Variants in NLGN4X observed in about 807,000 individuals in gnomAD.
The protein encoded by NLGN4X is neuroligin-4, X-linked.
In NLGN4X, 3 loss-of-function variants were observed where a neutral mutation model predicts 40.3. The observed-to-expected ratio is 0.07, with a 90% confidence interval of 0.03 to 0.19. The LOEUF is 0.19. Ranked by LOEUF, NLGN4X falls within the 10% of genes least tolerant of loss-of-function variation. The probability of loss-of-function intolerance (pLI) is 1.00; values close to 1 mark genes in which losing one functional copy is unlikely to be tolerated. For synonymous variants in NLGN4X, 270 were observed against 306.8 expected (o/e 0.88, Z 1.25); for missense variants, 382 against 708.3 (o/e 0.54, Z 5.23).
chrX:6,196,242 A>C (rs1009341762), intron 1 of NLGN4X, among the ~76,000 whole-genome samples: 1 of 111,248 alleles, frequency 9.0e-6, no homozygotes, highest in Non-Finnish European at 1.9e-5. Flanking sequence ...ATATTGCTAA[A>C]ATCTGATGGA....
intron 3 of NLGN4X, among the ~76,000 whole-genome samples, chrX:5,982,543 C>G (rs780574395): frequency 8.9e-6 from 1 of 112,114 alleles, no homozygotes; most frequent in Non-Finnish European, 1.9e-5. Flanking sequence ...GTAGATTATT[C>G]AAACCAACCT....
chrX:6,184,873 G>T (rs1384429736), intron 1 of NLGN4X, among the ~76,000 whole-genome samples: 1 of 112,352 alleles, frequency 8.9e-6, no homozygotes. Context: ...GGCAAAGAAT[G>T]GCGCCTTCTG....
chrX:5,974,547 A>G (rs1357135151), intron 3 of NLGN4X, among the ~76,000 whole-genome samples: 4 of 112,115 alleles, frequency 3.6e-5, no homozygotes, highest in African/African-American at 9.7e-5. Flanking sequence ...AATAGAATGG[A>G]TCAAGCATTT....
In NLGN4X at chrX:5,890,054, G is replaced by A; in HGVS notation, c.*2763C>T. The stretch of plus-strand genomic sequence containing the variant: ...TTTGCACAAAGCATTAGAAAATACT[G>A]TGATATTTTATTATTAAAAATGCTG... On this transcript the variant is annotated 3_prime_UTR_variant, in exon 6 of 6. Coordinates refer to ENST00000381095, the MANE Select transcript of NLGN4X (RefSeq NM_181332.3). The A allele has an allele frequency of 4.7e-6, 1 of 214,809 alleles. No individual in the cohort carries two copies. Among genetic ancestry groups the A allele is most frequent in the Non-Finnish European group, 8.5e-6 (1 of 117,385 alleles). The allele number at this position is 214,809 out of a possible 1,213,427, so 17.7% of individuals were successfully genotyped here.
chrX:5,943,432 G>A (rs1333969935), intron 3 of NLGN4X, among the ~76,000 whole-genome samples: 1 of 111,881 alleles, frequency 8.9e-6, no homozygotes, highest in Non-Finnish European at 1.9e-5. Context: ...TCACACTTCA[G>A]AGCTTCAGAA....
intron 2 of NLGN4X, among the ~76,000 whole-genome samples, chrX:6,074,640 A>C (rs1050079630): frequency 1.8e-4 from 20 of 111,848 alleles, no homozygotes; most frequent in African/African-American, 6.2e-4. Context: ...AATGGCAGGC[A>C]GTAGAAACAA....
intron 2 of NLGN4X, among the ~76,000 whole-genome samples, chrX:6,046,037 T>C (rs1241252446): frequency 8.9e-6 from 1 of 112,098 alleles, no homozygotes; most frequent in Non-Finnish European, 1.9e-5. Context: ...TTGTCATATA[T>C]ATGCACATAA....
rs1388849766 is a variant in NLGN4X, at chrX:6,070,951, C to T, written c.473-41519G>A. Reference sequence around the variant, plus strand: ...ATCTCCCGCCAGATTCCTCCCTCAACATCTGGGGATTACAATTCAAGATGA... The same window carrying T: ...ATCTCCCGCCAGATTCCTCCCTCAATATCTGGGGATTACAATTCAAGATGA... On this transcript the variant is annotated intron_variant, in intron 2 of 5. Coordinates refer to ENST00000381095, the MANE Select transcript of NLGN4X (RefSeq NM_181332.3). Among the ~76,000 whole-genome samples the T allele has an allele frequency of 8.1e-5, 9 of 111,434 alleles. No homozygotes were observed. In the Admixed American group the frequency reaches 8.6e-4, roughly 11 times the overall value.
At chrX:6,102,351 G>C (rs925089682) in intron 2 of NLGN4X, among the ~76,000 whole-genome samples, 1 of 110,560 alleles carries the variant, frequency 9.0e-6, no homozygotes, top group Non-Finnish European at 1.9e-5. Flanking sequence ...TTAGGAGGTG[G>C]GCGCCTTTTG....
intron 3 of NLGN4X, among the ~76,000 whole-genome samples, chrX:5,994,162 T>C (rs1180757430): frequency 8.9e-6 from 1 of 111,817 alleles, no homozygotes; most frequent in Admixed American, 9.5e-5. Context: ...GGAGGAGAAA[T>C]TGCAACAGAC....
At chrX:5,922,109 T>C (rs764823500) in intron 3 of NLGN4X, among the ~76,000 whole-genome samples, 1 of 111,578 alleles carries the variant, frequency 9.0e-6, no homozygotes, top group Non-Finnish European at 1.9e-5. Flanking sequence ...CCAGAACCAA[T>C]TGTTTTTCTC....
intron 1 of NLGN4X, among the ~76,000 whole-genome samples, chrX:6,196,589 A>C: frequency 1.0e-5 from 1 of 98,203 alleles, no homozygotes; most frequent in African/African-American, 3.8e-5. Flanking sequence ...AAAGTGTCTC[A>C]TGTGTAGTCA....
intron 3 of NLGN4X, among the ~76,000 whole-genome samples, chrX:6,010,042 G>T (rs1222428779): frequency 8.9e-6 from 1 of 112,327 alleles, no homozygotes; most frequent in Non-Finnish European, 1.9e-5. Context: ...ATCACAAAGT[G>T]AAGCAAGTGG....
At chrX:6,102,731 G>GAT (rs941835319) in intron 2 of NLGN4X, among the ~76,000 whole-genome samples, 4 of 110,020 alleles carry the variant, frequency 3.6e-5, no homozygotes, top group African/African-American at 3.3e-5. Flanking sequence ...AAGATAGATC[G>GAT]ATATATATAT....
Position 6,143,383 on chromosome X carries a change from A to C in NLGN4X, c.472+7612T>G, listed in dbSNP as rs749286025. Among the ~76,000 whole-genome samples, 4 of 112,525 alleles carry C rather than the reference A, an allele frequency of 3.6e-5. No homozygotes were observed. In the East Asian group the frequency reaches 1.1e-3, roughly 32 times the overall value. ...TTTGCCCAGAAGAGACCACAGCTTAAGGTGTAGCCGGAAGGAGTGGGGAAC... is the reference window on the plus strand; with the variant it reads ...TTTGCCCAGAAGAGACCACAGCTTACGGTGTAGCCGGAAGGAGTGGGGAAC... On this transcript the variant is annotated intron_variant, in intron 2 of 5. Coordinates refer to ENST00000381095, the MANE Select transcript of NLGN4X (RefSeq NM_181332.3).
At chrX:5,895,317 T>A (rs1048060337) in intron 5 of NLGN4X, among the ~76,000 whole-genome samples, 1 of 111,165 alleles carries the variant, frequency 9.0e-6, no homozygotes, top group Non-Finnish European at 1.9e-5. Flanking sequence ...GTGATGAAGG[T>A]TGAAAGATAA....
chrX:6,180,323 G>T (rs1330076600), intron 1 of NLGN4X, among the ~76,000 whole-genome samples: 1 of 111,316 alleles, frequency 9.0e-6, no homozygotes, highest in Non-Finnish European at 1.9e-5. Context: ...GAATGGTTTA[G>T]CATCGGCCCC....
chrX:5,940,363 A>G (rs757465959), intron 3 of NLGN4X, among the ~76,000 whole-genome samples: 28 of 111,611 alleles, frequency 2.5e-4, no homozygotes, highest in Non-Finnish European at 7.5e-5. Flanking sequence ...CTGCAATTTA[A>G]GAGAGAATTT....
intron 3 of NLGN4X, among the ~76,000 whole-genome samples, chrX:5,988,219 A>T (rs905476740): frequency 8.9e-6 from 1 of 112,155 alleles, no homozygotes; most frequent in African/African-American, 3.2e-5. Flanking sequence ...AAACTCCAAT[A>T]GGAACTGAGC....
Sources: allele counts gnomAD v4.1 joint callset (sites outside exome capture counted in the v4.1 genomes callset), GRCh38; gene constraint gnomAD v4.1.1; transcripts MANE v1.5; gene names NCBI Gene and HGNC (gene_info 2026-07-23, HGNC 2026-07-21).